Variants in AKAP19 observed in about 807,000 individuals in gnomAD.
AKAP19 encodes small A-kinase anchoring protein.
At chr2:190,141,124 A>G in the AKAP19 span, among the ~76,000 whole-genome samples, 2 of 152,166 alleles carry the variant, frequency 1.3e-5, no homozygotes, top group South Asian at 4.1e-4. Context: ...TATCACTATC[A>G]GTATTTTGGT....
chr2:189,926,125 A>G, the AKAP19 span, among the ~76,000 whole-genome samples: 1 of 152,224 alleles, frequency 6.6e-6, no homozygotes. Flanking sequence ...GGTTGATCAC[A>G]TATAAGCAAG....
chr2:190,066,318 A>T, the AKAP19 span, among the ~76,000 whole-genome samples: 3,366 of 152,300 alleles, frequency 0.022, 52 homozygotes, highest in Middle Eastern at 0.044. Context: ...TTCCAAAAAA[A>T]AATTACGGTT....
At chr2:189,992,092 C>T in the AKAP19 span, among the ~76,000 whole-genome samples, 5 of 146,776 alleles carry the variant, frequency 3.4e-5, no homozygotes, top group African/African-American at 5.1e-5. Context: ...CTTTGTTGCA[C>T]AGGCTGGAGT....
the AKAP19 span, among the ~76,000 whole-genome samples, chr2:190,126,016 G>A: frequency 2.0e-5 from 3 of 151,610 alleles, no homozygotes; most frequent in Non-Finnish European, 4.4e-5. Flanking sequence ...GTATAGGCTG[G>A]GCACAGTGGC....
chr2:190,103,782 A>G, the AKAP19 span, among the ~76,000 whole-genome samples: 1 of 152,228 alleles, frequency 6.6e-6, no homozygotes, highest in Non-Finnish European at 1.5e-5. Flanking sequence ...CTACAGATTC[A>G]ATATTCCTAT....
At chr2:190,003,071 G>A in the AKAP19 span, among the ~76,000 whole-genome samples, 2 of 151,800 alleles carry the variant, frequency 1.3e-5, no homozygotes, top group Non-Finnish European at 2.9e-5. Flanking sequence ...AAATGATAGT[G>A]TTTATTAGAA....
chr2:190,133,235 C>CAAA, the AKAP19 span, among the ~76,000 whole-genome samples: 4 of 58,112 alleles, frequency 6.9e-5, no homozygotes, highest in African/African-American at 2.4e-4. Flanking sequence ...GAGACTCTGC[C>CAAA]AAAAAAAAAA....
chr2:190,135,710 T>C, the AKAP19 span, among the ~76,000 whole-genome samples: 1 of 152,208 alleles, frequency 6.6e-6, no homozygotes, highest in African/African-American at 2.4e-5. Context: ...ATTATAATGG[T>C]ATCTATTTCA....
chr2:189,902,127 A>T, the AKAP19 span, among the ~76,000 whole-genome samples: 2 of 151,940 alleles, frequency 1.3e-5, no homozygotes, highest in African/African-American at 4.8e-5. Flanking sequence ...ATAGGGCAAA[A>T]TTTTCATCTT....
chr2:190,066,902 C>T, the AKAP19 span, among the ~76,000 whole-genome samples: 1,350 of 152,186 alleles, frequency 8.9e-3, 12 homozygotes, highest in Admixed American at 0.021. Flanking sequence ...GATAAAACAG[C>T]GAGCCAGACA....
the AKAP19 span, among the ~76,000 whole-genome samples, chr2:190,052,587 G>C: frequency 6.6e-6 from 1 of 152,066 alleles, no homozygotes; most frequent in Non-Finnish European, 1.5e-5. Context: ...CTGTGGGAGC[G>C]GACCTGAGAA....
chr2:190,076,376 C>G, the AKAP19 span, among the ~76,000 whole-genome samples: 1 of 152,132 alleles, frequency 6.6e-6, no homozygotes, highest in Non-Finnish European at 1.5e-5. Flanking sequence ...GGGGCAAGCT[C>G]TCCCCAGTGG....
At chr2:189,950,679 A>T in the AKAP19 span, among the ~76,000 whole-genome samples, 2 of 152,172 alleles carry the variant, frequency 1.3e-5, no homozygotes, top group Admixed American at 6.5e-5. Flanking sequence ...ATTCCAAGAC[A>T]TGTAGATATG....
chr2:190,168,451 T>C, the AKAP19 span, among the ~76,000 whole-genome samples: 2 of 151,892 alleles, frequency 1.3e-5, no homozygotes, highest in Non-Finnish European at 2.9e-5. Context: ...TCTTGGGGAT[T>C]AACATTTGGC....
chr2:190,144,740 G>A, the AKAP19 span, among the ~76,000 whole-genome samples: 57,926 of 151,798 alleles, frequency 0.38, 12,692 homozygotes, highest in East Asian at 0.76. Context: ...ACTTTGGGAG[G>A]GTGAGGTGGG....
chr2:190,175,382 T>C, the AKAP19 span, among the ~76,000 whole-genome samples: 2 of 152,238 alleles, frequency 1.3e-5, no homozygotes, highest in East Asian at 1.9e-4. Context: ...ACTGATGGTA[T>C]AGTTGACAGC....
the AKAP19 span, among the ~76,000 whole-genome samples, chr2:189,929,872 A>T: frequency 1.3e-5 from 2 of 152,224 alleles, no homozygotes; most frequent in East Asian, 1.9e-4. Context: ...ACATCAGAAA[A>T]GAATTTGGGG....
At chr2:189,950,723 A>G in the AKAP19 span, among the ~76,000 whole-genome samples, 2 of 152,212 alleles carry the variant, frequency 1.3e-5, no homozygotes, top group South Asian at 2.1e-4. Flanking sequence ...ATATAAATAC[A>G]TAGAGTTCTC....
At chr2:190,140,755 G>A in the AKAP19 span, among the ~76,000 whole-genome samples, 7 of 152,194 alleles carry the variant, frequency 4.6e-5, no homozygotes, top group African/African-American at 9.6e-5. Context: ...ATAGCCTGGA[G>A]ACATTTTTCC....
Sources: allele counts gnomAD v4.1 joint callset (sites outside exome capture counted in the v4.1 genomes callset), GRCh38; gene constraint gnomAD v4.1.1; transcripts MANE v1.5; gene names NCBI Gene and HGNC (gene_info 2026-07-23, HGNC 2026-07-21).